Variants in TBC1D19 observed in about 807,000 individuals in gnomAD.
The protein encoded by TBC1D19 is TBC1 domain family, member 19.
A neutral mutation model predicts 89.0 loss-of-function variants in TBC1D19; 60 were observed. The ratio of observed to expected loss-of-function variants is 0.67; its 90% CI spans 0.55 to 0.84. TBC1D19 has a LOEUF of 0.84. Ranked by LOEUF, TBC1D19 falls within the 40% of genes least tolerant of loss-of-function variation. TBC1D19 has a pLI of 0.00. For missense variants in TBC1D19, 500 were observed against 610.8 expected (o/e 0.82, Z 1.91); for synonymous variants, 189 against 199.7 (o/e 0.95, Z 0.45).
At chr4:26,821,474 G>A in the TBC1D19 span, among the ~76,000 whole-genome samples, 1 of 152,152 alleles carries the variant, frequency 6.6e-6, no homozygotes, top group South Asian at 2.1e-4. Flanking sequence ...ATGTAAACAG[G>A]TATTTATTTT....
intron 1 of TBC1D19, among the ~76,000 whole-genome samples, chr4:26,597,355 C>T (rs1251607292): frequency 6.6e-6 from 1 of 152,032 alleles, no homozygotes; most frequent in South Asian, 2.1e-4. Flanking sequence ...GCCTTAAAGT[C>T]CATTTTGTAT....
chr4:26,740,284 T>C (rs1718277103), intron 17 of TBC1D19, among the ~76,000 whole-genome samples: 1 of 152,190 alleles, frequency 6.6e-6, no homozygotes, highest in Non-Finnish European at 1.5e-5. Flanking sequence ...TCATTTCTTA[T>C]CTATGAAATG....
chr4:26,761,304 A>T, the TBC1D19 span, among the ~76,000 whole-genome samples: 132,405 of 152,216 alleles, frequency 0.87, 60,418 homozygotes, highest in Non-Finnish European at 1. Flanking sequence ...AATTGATATC[A>T]TTAACAATGT....
intron 13 of TBC1D19, among the ~76,000 whole-genome samples, chr4:26,707,555 C>G (rs1715835113): frequency 6.6e-6 from 1 of 151,680 alleles, no homozygotes; most frequent in African/African-American, 2.4e-5. Context: ...GGAGATATTT[C>G]TCTCATTTTT....
chr4:26,805,810 A>G, the TBC1D19 span, among the ~76,000 whole-genome samples: 275 of 152,308 alleles, frequency 1.8e-3, no homozygotes, highest in Middle Eastern at 3.4e-3. Flanking sequence ...AGCCTGGCCA[A>G]CATGGTGAAA....
At chr4:26,614,293 A>T in intron 2 of TBC1D19, 115 bp from the exon 3 acceptor site, 1 of 723,490 alleles carries the variant, frequency 1.4e-6, no homozygotes, top group Admixed American at 3.0e-5. Context: ...CAGTTGACAA[A>T]ATTCTTTCAC....
the TBC1D19 span, among the ~76,000 whole-genome samples, chr4:26,822,595 G>T: frequency 1.3e-5 from 2 of 152,074 alleles, no homozygotes; most frequent in African/African-American, 4.8e-5. Context: ...ACTATGTAGG[G>T]CCCTTTACGT....
intron 1 of TBC1D19, among the ~76,000 whole-genome samples, chr4:26,594,251 AAC>A (rs1394525476): frequency 6.6e-6 from 1 of 152,118 alleles, no homozygotes; most frequent in African/African-American, 2.4e-5. Flanking sequence ...CAAAAAACCA[AAC>A]ACTGCATGTT....
Position 26,614,451 on chromosome 4 carries a change from T to G in TBC1D19, c.216T>G (p.Ser72Arg). The G allele has an allele frequency of 6.3e-7, 1 of 1,586,454 alleles. No individual in the cohort carries two copies. The highest frequency in any genetic ancestry group is 8.6e-7 in the Non-Finnish European group (1 of 1,167,526). The change falls in exon 3 of 21, where the codon AGT becomes AGG. Residue 72 changes from serine (S) to arginine (R), a missense_variant and splice_region_variant. By Grantham distance (110) the Ser-to-Arg change is moderately radical. Coordinates refer to ENST00000264866, the MANE Select transcript of TBC1D19 (RefSeq NM_018317.4). ...AGAATGCTGTTTATAGTGAACTGAG[T>G]GTGTGAGTTTTCCCACCTATTTTAC... ...KLQNAVYSELSVFPLPSHPAA... is the reference protein window; with the variant it reads ...KLQNAVYSELRVFPLPSHPAA...
chr4:26,852,039 T>G, the TBC1D19 span, among the ~76,000 whole-genome samples: 2 of 152,226 alleles, frequency 1.3e-5, no homozygotes, highest in African/African-American at 4.8e-5. Flanking sequence ...TCCTGGCCTC[T>G]ATCCAATTAC....
rs539154554 is a variant in TBC1D19 at position 26,683,199 on chromosome 4, G to T, written c.817-476G>T. On this transcript the variant is annotated intron_variant, in intron 11 of 20. Coordinates refer to ENST00000264866, the MANE Select transcript of TBC1D19 (RefSeq NM_018317.4). ...ATAAAGTAATCCTTCTGAGTTTTTT[G>T]TATAGGTTGTGGGGCCAGGTTTCTT... Among the ~76,000 whole-genome samples the T allele has an allele frequency of 1.8e-4, 28 of 152,260 alleles. No homozygotes were observed. The South Asian group carries it at 2.7e-3, about 15-fold the overall frequency.
intron 15 of TBC1D19, among the ~76,000 whole-genome samples, chr4:26,730,993 G>T (rs901031011): frequency 9.9e-5 from 15 of 152,200 alleles, no homozygotes; most frequent in African/African-American, 3.4e-4. Flanking sequence ...CCGGAGGAGG[G>T]TCACAGAGCC....
chr4:26,620,832 T>C (rs1742003965), intron 4 of TBC1D19, 144 bp downstream of exon 4: 2 of 679,608 alleles, frequency 2.9e-6, no homozygotes, highest in Non-Finnish European at 4.7e-6. Flanking sequence ...ATAGTATTTG[T>C]ATATTCTCCC....
intron 1 of TBC1D19, among the ~76,000 whole-genome samples, chr4:26,607,377 T>C (rs1577792068): frequency 6.6e-6 from 1 of 152,212 alleles, no homozygotes; most frequent in East Asian, 1.9e-4. Flanking sequence ...CACAGCAACT[T>C]TAATTTATAT....
chr4:26,735,596 T>C, intron 16 of TBC1D19, 109 bp downstream of exon 16: 1 of 1,036,720 alleles, frequency 9.6e-7, no homozygotes, highest in East Asian at 3.1e-5. Context: ...AGTAAAACAA[T>C]AAAGGAAAAA....
chr4:26,781,798 A>AT, the TBC1D19 span, among the ~76,000 whole-genome samples: 578 of 146,584 alleles, frequency 3.9e-3, no homozygotes, highest in Middle Eastern at 0.029. Flanking sequence ...ATCAAGGTTG[A>AT]TTTTTTTTTT....
chr4:26,663,445 A>G (rs1577899515), intron 8 of TBC1D19, among the ~76,000 whole-genome samples: 1 of 152,184 alleles, frequency 6.6e-6, no homozygotes, highest in African/African-American at 2.4e-5. Flanking sequence ...GCAATTTCAT[A>G]TGAATATTAG....
At chr4:26,641,614 T>G (rs1458705599) in intron 7 of TBC1D19, among the ~76,000 whole-genome samples, 1 of 143,968 alleles carries the variant, frequency 6.9e-6, no homozygotes, top group South Asian at 2.3e-4. Context: ...AGAAAGTCGG[T>G]AATAACACAC....
At chr4:26,756,702 A>T (rs1719274323), downstream of TBC1D19, among the ~76,000 whole-genome samples, 1 of 152,216 alleles carries the variant, frequency 6.6e-6, no homozygotes, top group Non-Finnish European at 1.5e-5. Flanking sequence ...TATTGTTGGT[A>T]CTTAGTTTGT....
Sources: allele counts gnomAD v4.1 joint callset (sites outside exome capture counted in the v4.1 genomes callset), GRCh38; gene constraint gnomAD v4.1.1; transcripts MANE v1.5; gene names NCBI Gene and HGNC (gene_info 2026-07-23, HGNC 2026-07-21).